Variants in HSPG2 observed in about 807,000 individuals in gnomAD.
HSPG2 encodes the protein heparan sulfate proteoglycan 2.
In HSPG2, 278 loss-of-function variants were observed where a neutral mutation model predicts 526.6. The ratio of observed to expected loss-of-function variants is 0.53; its 90% CI spans 0.48 to 0.58. The LOEUF is 0.58. HSPG2 is among the 20% of genes least tolerant of loss of function. HSPG2 has a pLI of 0.00. For synonymous variants in HSPG2, 2,465 were observed against 2,555.4 expected, an observed-to-expected ratio of 0.96 and a Z score of 1.07; for missense variants, 5,354 against 6,099.5, an observed-to-expected ratio of 0.88 and a Z score of 4.07.
intron 55 of HSPG2, among the ~76,000 whole-genome samples, chr1:21,850,877 A>G (rs1165023184): frequency 6.6e-6 from 1 of 152,240 alleles, no homozygotes; most frequent in Non-Finnish European, 1.5e-5. Flanking sequence ...AGCTAATGGC[A>G]TTATAGTAAA....
At position 21,908,236 on chromosome 1, in the gene HSPG2, A is replaced by G; in HGVS notation, c.64-11926T>C. ...TATTGTAGACATCAAGGGAATGGGT[A>G]CTGTTCAAAAAGGAACGCCCCACAA... is the stretch of plus-strand genomic sequence containing the variant. On this transcript the variant is annotated intron_variant, in intron 1 of 96. Transcript: ENST00000374695. The G allele has an allele frequency of 8.1e-6, 8 of 985,260 alleles. No homozygotes were observed. The South Asian group carries it at 8.9e-5, about 11-fold the overall frequency. 61.0% of individuals were successfully genotyped at this position (985,260 alleles called of 1,614,324 possible).
chr1:21,834,775 T>G lies in HSPG2; in HGVS notation c.10624A>C (p.Ile3542Leu). ...GCATCAGCCAGCTCTACGTGGGCGA[T>G]CCTGACGACACCTCCGCTCTGCACA... ...GIVQSGGVVR[I>L]AHVELADAGQ... The change falls in exon 77 of 97, where the codon ATC becomes CTC. Residue 3542 changes from isoleucine (I) to leucine (L), a missense_variant. Physicochemically the swap from Ile to Leu is conservative, Grantham distance 5. Transcript: ENST00000374695. 6.2e-7 allele frequency: 1 copy of G among 1,614,140 alleles called. No individual in the cohort carries two copies. Among genetic ancestry groups the G allele is most frequent in the Non-Finnish European group, 8.5e-7 (1 of 1,180,004 alleles).
intron 68 of HSPG2, 40 bp downstream of exon 68, chr1:21,842,199 C>T (rs2098051409): frequency 6.2e-7 from 1 of 1,612,724 alleles, no homozygotes; most frequent in Non-Finnish European, 8.5e-7. Context: ...GCTTCAGGGC[C>T]CTCCCTTCCC....
intron 74 of HSPG2, 90 bp from the exon 75 acceptor site, chr1:21,837,096 A>T (rs964789717): frequency 2.5e-6 from 3 of 1,194,302 alleles, no homozygotes; most frequent in Non-Finnish European, 3.6e-6. Flanking sequence ...CCAGCCCAAC[A>T]TTCAAGGAAT....
rs1234990135 is a variant in HSPG2, at chr1:21,829,622, C to G, written c.11771-18G>C. On this transcript the variant is annotated intron_variant, in intron 86 of 96. Coordinates refer to ENST00000374695, the MANE Select transcript of HSPG2 (RefSeq NM_005529.7). Reference sequence around the variant, plus strand: ...TGTCACACCTGCAGCAGCCACAGCTCAGCTGAGGCAGTGGGGATCCTGGAC... The same window carrying G: ...TGTCACACCTGCAGCAGCCACAGCTGAGCTGAGGCAGTGGGGATCCTGGAC... 1.3e-6 allele frequency: 2 copies of G among 1,589,794 alleles called. No homozygotes were observed. The highest frequency in any genetic ancestry group is 1.7e-5 in the Admixed American group (1 of 59,426).
intron 37 of HSPG2, among the ~76,000 whole-genome samples, chr1:21,862,819 A>T (rs1296537334): frequency 3.3e-5 from 2 of 61,310 alleles, no homozygotes; most frequent in Admixed American, 4.0e-4. Flanking sequence ...TCACGCCTGT[A>T]ATCTCAGGAC....
intron 78 of HSPG2, 63 bp from the exon 79 acceptor site, chr1:21,833,677 A>G: frequency 6.2e-7 from 1 of 1,606,256 alleles, no homozygotes; most frequent in Non-Finnish European, 8.5e-7. Context: ...CCCACCTCCC[A>G]TCTGTGCCTC....
intron 1 of HSPG2, among the ~76,000 whole-genome samples, chr1:21,899,554 G>A (rs531827667): frequency 1.6e-4 from 25 of 152,194 alleles, no homozygotes; most frequent in Non-Finnish European, 3.4e-4. Context: ...AACCCTGGTG[G>A]TCGGGCTCCA....
At chr1:21,886,074 G>A (rs1253365128) in intron 9 of HSPG2, among the ~76,000 whole-genome samples, 3 of 152,370 alleles carry the variant, frequency 2.0e-5, no homozygotes, top group Admixed American at 6.5e-5. Flanking sequence ...CGGAAGCCGC[G>A]CATCCACAGA....
intron 64 of HSPG2, 97 bp from the exon 65 acceptor site, chr1:21,844,396 G>GTCCC: frequency 7.5e-7 from 1 of 1,339,856 alleles, no homozygotes; most frequent in Non-Finnish European, 1.0e-6. Context: ...GGCCATTTGG[G>GTCCC]ACATGGCTTC....
intron 1 of HSPG2, among the ~76,000 whole-genome samples, chr1:21,922,859 A>AC (rs1159549398): frequency 6.6e-6 from 1 of 151,960 alleles, no homozygotes; most frequent in East Asian, 1.9e-4. Context: ...CCCCTCCTCG[A>AC]CCCCTACCAG....
At position 21,890,860 on chromosome 1, in the gene HSPG2, T is replaced by C. The variant is rs1489371975; in HGVS notation, c.245-166A>G. Among the ~76,000 whole-genome samples the C allele has an allele frequency of 6.6e-6, 1 of 152,174 alleles. No individual in the cohort carries two copies. Among genetic ancestry groups the C allele is most frequent in the Non-Finnish European group, 1.5e-5 (1 of 68,034 alleles). On this transcript the variant is annotated intron_variant, in intron 3 of 96. Transcript: ENST00000374695. The surrounding 1 kb of genome is among the most constrained non-coding windows in gnomAD (Gnocchi z 4.1). ...ACCCAGGACTGCCTGTAGGTATACA[T>C]GCTCAGGGGTCAATGCCAAGGCCCC...
chr1:21,910,080 G>C (rs184032757), intron 1 of HSPG2, among the ~76,000 whole-genome samples: 1 of 152,300 alleles, frequency 6.6e-6, no homozygotes, highest in Non-Finnish European at 1.5e-5. Context: ...AGTGCCTGAA[G>C]ACCTCCCCGC....
intron 33 of HSPG2, chr1:21,870,747 C>G (rs902126897): frequency 7.6e-5 from 59 of 777,636 alleles, no homozygotes; most frequent in Admixed American, 1.9e-4. Flanking sequence ...TTGGGCACTG[C>G]GCATCTCCCC....
At chr1:21,884,041 T>C (rs1171664700) in intron 13 of HSPG2, among the ~76,000 whole-genome samples, 1 of 152,262 alleles carries the variant, frequency 6.6e-6, no homozygotes, top group African/African-American at 2.4e-5. Context: ...CTGGCACCTC[T>C]GTCTCTCAGA....
intron 1 of HSPG2, among the ~76,000 whole-genome samples, chr1:21,906,651 T>A (rs113791815): frequency 6.9e-6 from 1 of 145,640 alleles, no homozygotes; most frequent in Non-Finnish European, 1.5e-5. Context: ...GACAAACACA[T>A]CTGGGAAAGG....
Position 21,844,386 on chromosome 1 carries a change from G to A in HSPG2, c.8465-87C>T, listed in dbSNP as rs75613822. The stretch of plus-strand genomic sequence containing the variant: ...CTGGGGCCCAGATACTAGGACCAGA[G>A]GCCATTTGGGACATGGCTTCTTTCC... On this transcript the variant is annotated intron_variant, in intron 64 of 96. Coordinates refer to ENST00000374695, the MANE Select transcript of HSPG2 (RefSeq NM_005529.7). 86,021 of 1,409,890 alleles carry A rather than the reference G, an allele frequency of 0.061. 2,874 individuals are homozygous for A. The highest frequency in any genetic ancestry group is 0.097 in the South Asian group (7,370 of 76,050). The allele number at this position is 1,409,890 out of a possible 1,614,324, so 87.3% of individuals were successfully genotyped here. A position where few individuals can be genotyped will look rare whatever the true frequency, so the allele number is the denominator to read the frequency against.
In HSPG2 at chr1:21,849,138, T is replaced by C. The variant is rs558923994; in HGVS notation, c.7447-107A>G. 7.8e-4 allele frequency: 1,060 copies of C among 1,351,552 alleles called. 8 individuals are homozygous for C. The African/African-American group carries it at 0.014, about 18-fold the overall frequency. The allele number at this position is 1,351,552 out of a possible 1,614,324, so 83.7% of individuals were successfully genotyped here. A position where few individuals can be genotyped will look rare whatever the true frequency, so the allele number is the denominator to read the frequency against. ...CACTCCCAGCCCAGCCAGCTGGAACTCGATGGAAACTCTTCCAGGGAAAAC... is the reference window on the plus strand; with the variant it reads ...CACTCCCAGCCCAGCCAGCTGGAACCCGATGGAAACTCTTCCAGGGAAAAC... On this transcript the variant is annotated intron_variant, in intron 57 of 96. Coordinates refer to ENST00000374695, the MANE Select transcript of HSPG2 (RefSeq NM_005529.7).
At chr1:21,841,968 C>T in intron 69 of HSPG2, 34 bp downstream of exon 69, 1 of 1,611,746 alleles carries the variant, frequency 6.2e-7, no homozygotes, top group Non-Finnish European at 8.5e-7. Context: ...ATGCCTGCCC[C>T]CAGCTTGCCC....
Sources: gnomAD v4.1 joint callset for allele counts (sites outside exome capture counted in the v4.1 genomes callset) on GRCh38, gnomAD v4.1.1 for gene constraint, Gnocchi (gnomAD v3.1) non-coding constraint, MANE v1.5 for transcripts, NCBI Gene and HGNC (gene_info 2026-07-23, HGNC 2026-07-21) for gene names.